The following APBA2 variants were observed in gnomAD, a reference collection of about 807,000 sequenced individuals.
The protein encoded by APBA2 is amyloid-beta A4 precursor protein-binding family A member 2.
APBA2 carries 30 observed loss-of-function variants against 75.0 expected under a neutral mutation model. The ratio of observed to expected loss-of-function variants is 0.40; its 90% confidence interval spans 0.30 to 0.54. APBA2 has a LOEUF of 0.54. Ranked by LOEUF, APBA2 falls within the 20% of genes least tolerant of loss-of-function variation. APBA2 has a pLI of 0.49. For synonymous variants in APBA2, 444 were observed against 409.6 expected, an observed-to-expected ratio of 1.08 and a Z score of -1.01; for missense variants, 801 against 1,016.1, an observed-to-expected ratio of 0.79 and a Z score of 2.88.
intron 3 of APBA2, among the ~76,000 whole-genome samples, chr15:29,009,134 C>G (rs1206910089): frequency 6.6e-6 from 1 of 152,198 alleles, no homozygotes; most frequent in Non-Finnish European, 1.5e-5. Flanking sequence ...GCAGTGTTTA[C>G]AGTACCATGA....
chr15:29,110,138 C>T (rs1227537507), intron 13 of APBA2, among the ~76,000 whole-genome samples: 3 of 152,218 alleles, frequency 2.0e-5, no homozygotes, highest in Admixed American at 2.0e-4. Context: ...TGGCTGGGCC[C>T]CAGGGAGGAG....
rs968851848 is a variant in APBA2 at position 28,886,041 on chromosome 15, G to T, written c.-442G>T. The T allele has an allele frequency of 1.3e-5, 2 of 149,118 alleles. No individual in the cohort carries two copies. The highest frequency in any genetic ancestry group is 4.9e-5 in the African/African-American group (2 of 41,044). 9.2% of individuals were successfully genotyped at this position (149,118 alleles called of 1,614,324 possible). On this transcript the variant is annotated 5_prime_UTR_variant, in exon 1 of 15. Coordinates refer to ENST00000683413, the MANE Select transcript of APBA2 (RefSeq NM_001353788.2). ...GCGCAGGCCCGGCAGCCGCAGGCCG[G>T]TGCGGGATGCGCCCCGCAGCCGCGC...
At chr15:28,910,284 C>T (rs1315857487) in intron 1 of APBA2, among the ~76,000 whole-genome samples, 1 of 152,122 alleles carries the variant, frequency 6.6e-6, no homozygotes, top group Admixed American at 6.5e-5. Context: ...CCTGGCAAAG[C>T]AGGGTTGGAG....
chr15:28,954,629 T>C (rs2036069887), intron 2 of APBA2, among the ~76,000 whole-genome samples: 1 of 152,156 alleles, frequency 6.6e-6, no homozygotes, highest in Non-Finnish European at 1.5e-5. Context: ...GTTGGGGGCT[T>C]GGTCTGCCTT....
chr15:29,012,654 T>C (rs2039458261), intron 3 of APBA2, among the ~76,000 whole-genome samples: 2 of 152,194 alleles, frequency 1.3e-5, no homozygotes, highest in African/African-American at 4.8e-5. Flanking sequence ...TATAAACCAG[T>C]ATTGCATTAT....
intron 1 of APBA2, among the ~76,000 whole-genome samples, chr15:28,900,947 C>T (rs1429705481): frequency 6.6e-6 from 1 of 152,178 alleles, no homozygotes; most frequent in Admixed American, 6.5e-5. Context: ...GGGGCTGACC[C>T]CTGGATCCCA....
chr15:28,986,896 T>C lies in APBA2; in HGVS notation c.-94-8857T>C, dbSNP rs544449983. On this transcript the variant is annotated intron_variant, in intron 2 of 14. Coordinates refer to ENST00000683413, the MANE Select transcript of APBA2 (RefSeq NM_001353788.2). Reference sequence around the variant, plus strand: ...GACATTTATTTCTCACAGTTCTGGATGTGGGAAGTCTAAGATCAAGGCGCC... The same window carrying C: ...GACATTTATTTCTCACAGTTCTGGACGTGGGAAGTCTAAGATCAAGGCGCC... Among the ~76,000 whole-genome samples, 5 of 152,340 alleles carry C rather than the reference T, an allele frequency of 3.3e-5. No homozygotes were observed. In the East Asian group the frequency reaches 9.6e-4, roughly 29 times the overall value.
intron 3 of APBA2, among the ~76,000 whole-genome samples, chr15:29,042,747 T>C (rs1458269585): frequency 2.6e-5 from 4 of 152,064 alleles, no homozygotes; most frequent in Non-Finnish European, 5.9e-5. Context: ...AGAAGCAGAC[T>C]TTTCCCCCTC....
intron 6 of APBA2, among the ~76,000 whole-genome samples, chr15:29,091,579 TG>T (rs1485349397): frequency 6.6e-6 from 1 of 152,198 alleles, no homozygotes; most frequent in Non-Finnish European, 1.5e-5. Flanking sequence ...ACATTTATCA[TG>T]GCACTCATTT....
chr15:28,895,778 C>T (rs946165645), intron 1 of APBA2, among the ~76,000 whole-genome samples: 1 of 152,026 alleles, frequency 6.6e-6, no homozygotes, highest in African/African-American at 2.4e-5. Flanking sequence ...CTTTCATGCG[C>T]CATAACTGGA....
chr15:29,075,993 C>T, intron 5 of APBA2, 62 bp from the exon 6 acceptor site: 1 of 1,498,446 alleles, frequency 6.7e-7, no homozygotes, highest in African/African-American at 1.4e-5. Context: ...GCTTAGCCTT[C>T]ACCTTGTGGG....
intron 6 of APBA2, among the ~76,000 whole-genome samples, chr15:29,083,140 A>T (rs930579072): frequency 3.3e-5 from 5 of 152,226 alleles, no homozygotes; most frequent in Non-Finnish European, 5.9e-5. Flanking sequence ...AATTATTTAA[A>T]TAATTGATTT....
At chr15:28,994,904 G>A (rs1430791017) in intron 2 of APBA2, among the ~76,000 whole-genome samples, 1 of 152,200 alleles carries the variant, frequency 6.6e-6, no homozygotes, top group African/African-American at 2.4e-5. Context: ...AGCCTGGCCC[G>A]GCTCAACAGC....
rs1227689050 is a variant in APBA2, at chr15:29,028,073, G to T, written c.-40-25772G>T. On this transcript the variant is annotated intron_variant, in intron 3 of 14. Coordinates refer to ENST00000683413, the MANE Select transcript of APBA2 (RefSeq NM_001353788.2). ...TAGGCCGGTAAACGTGTGCCATGGTGGTTTGCTGCACCTATCAACCCATCA... is the reference window on the plus strand; with the variant it reads ...TAGGCCGGTAAACGTGTGCCATGGTTGTTTGCTGCACCTATCAACCCATCA... Among the ~76,000 whole-genome samples, 7 of 151,724 alleles carry T rather than the reference G, an allele frequency of 4.6e-5. No homozygotes were observed. In the South Asian group the frequency reaches 1.2e-3, roughly 27 times the overall value.
chr15:29,110,287 C>T (rs1292526139), intron 13 of APBA2, among the ~76,000 whole-genome samples: 1 of 152,160 alleles, frequency 6.6e-6, no homozygotes, highest in East Asian at 1.9e-4. Flanking sequence ...CCGTGCTGTG[C>T]AGAGCCTGGG....
At chr15:29,109,797 C>T (rs1425208469) in intron 13 of APBA2, among the ~76,000 whole-genome samples, 1 of 152,236 alleles carries the variant, frequency 6.6e-6, no homozygotes, top group African/African-American at 2.4e-5. Context: ...TCAAAAGGTG[C>T]TTGTGAAGAT....
intron 2 of APBA2, among the ~76,000 whole-genome samples, chr15:28,939,805 G>T (rs559315968): frequency 2.6e-5 from 4 of 152,244 alleles, no homozygotes; most frequent in African/African-American, 9.6e-5. Flanking sequence ...GGGTGCCTCC[G>T]TGCAGCTTGG....
At chr15:29,063,391 C>A (rs543017195) in intron 4 of APBA2, among the ~76,000 whole-genome samples, 1,573 of 54,552 alleles carry the variant, frequency 0.029, no homozygotes, top group African/African-American at 0.088. Context: ...ATGGGTGGTG[C>A]GGGGAGTTGA....
At chr15:29,007,818 G>A (rs989821389) in intron 3 of APBA2, among the ~76,000 whole-genome samples, 1 of 152,186 alleles carries the variant, frequency 6.6e-6, no homozygotes, top group Non-Finnish European at 1.5e-5. Flanking sequence ...CAGTATGACA[G>A]TTCCTCAAAA....
Sources: gnomAD v4.1 joint callset for allele counts (sites outside exome capture counted in the v4.1 genomes callset) on GRCh38, gnomAD v4.1.1 for gene constraint, MANE v1.5 for transcripts, NCBI Gene and HGNC (gene_info 2026-07-23, HGNC 2026-07-21) for gene names.